SGMS2: variants seen among roughly 807,000 people sequenced by gnomAD.
SGMS2 encodes the protein phosphatidylcholine:ceramide cholinephosphotransferase 2.
In SGMS2, 21 loss-of-function variants were observed where a neutral mutation model predicts 43.8. The ratio of observed to expected loss-of-function variants is 0.48; its 90% CI spans 0.34 to 0.69. The LOEUF (loss-of-function observed/expected upper bound fraction) is 0.69. Among genes scored for constraint, SGMS2 ranks in the 30% least tolerant of loss-of-function variants. SGMS2 has a pLI of 0.01. For missense variants in SGMS2, 384 were observed against 443.2 expected (o/e 0.87, Z 1.20); for synonymous variants, 167 against 160.6 (o/e 1.04, Z -0.30).
Position 107,914,584 on chromosome 4 carries a change from G to T in SGMS2, c.*4031G>T, listed in dbSNP as rs1732337370. On this transcript the variant is annotated 3_prime_UTR_variant, in exon 7 of 7. Transcript: ENST00000690982. ...GCCTTGTTGTAAAGTAAAATTTTAA[G>T]TCTAGATTCATTATTTTCCTGACAT... The T allele has an allele frequency of 2.0e-5, 3 of 151,996 alleles. No homozygotes were observed. In the South Asian group the frequency reaches 6.2e-4, roughly 32 times the overall value. 9.4% of individuals were successfully genotyped at this position (151,996 alleles called of 1,614,324 possible).
chr4:107,890,052 C>T (rs1241985134), intron 2 of SGMS2, among the ~76,000 whole-genome samples: 2 of 152,112 alleles, frequency 1.3e-5, no homozygotes, highest in African/African-American at 2.4e-5. Flanking sequence ...AAAACAAAGA[C>T]ATTTTTAAGT....
chr4:107,838,436 T>C (rs1385660814), intron 1 of SGMS2, among the ~76,000 whole-genome samples: 1 of 152,114 alleles, frequency 6.6e-6, no homozygotes, highest in East Asian at 1.9e-4. Context: ...CTTCTTCTTC[T>C]TCTTCTTCTT....
intron 2 of SGMS2, among the ~76,000 whole-genome samples, chr4:107,883,682 C>T (rs1729532660): frequency 6.6e-6 from 1 of 152,142 alleles, no homozygotes; most frequent in South Asian, 2.1e-4. Flanking sequence ...TAGCTAACCC[C>T]ATGTTCTTAG....
At chr4:107,886,388 TTTTTTTG>T (rs1729755589) in intron 2 of SGMS2, among the ~76,000 whole-genome samples, 1 of 117,282 alleles carries the variant, frequency 8.5e-6, no homozygotes, top group African/African-American at 3.4e-5. Context: ...TTTTTTTTTT[TTTTTTTG>T]GTAAACGCAG....
intron 2 of SGMS2, among the ~76,000 whole-genome samples, chr4:107,863,064 T>C (rs1466545143): frequency 6.6e-6 from 1 of 152,150 alleles, no homozygotes; most frequent in East Asian, 1.9e-4. Context: ...TCCTACATGG[T>C]AACTGTGAGG....
intron 1 of SGMS2, among the ~76,000 whole-genome samples, chr4:107,829,223 G>A (rs997167559): frequency 2.0e-5 from 3 of 152,130 alleles, no homozygotes; most frequent in Admixed American, 1.3e-4. Flanking sequence ...ATGAAAGTGC[G>A]AGAAATTTCT....
Position 107,871,545 on chromosome 4 carries a change from A to G in SGMS2, c.-245+12992A>G, listed in dbSNP as rs982151812. Among the ~76,000 whole-genome samples, 4 of 152,200 alleles carry G rather than the reference A, an allele frequency of 2.6e-5. No individual in the cohort carries two copies. In the East Asian group the frequency reaches 7.8e-4, roughly 30 times the overall value. On this transcript the variant is annotated intron_variant, in intron 2 of 6. Coordinates refer to ENST00000690982, the MANE Select transcript of SGMS2 (RefSeq NM_001375905.1). ...TTTCTCTTCTGCCGCCTTCCTTAGC[A>G]CTTAGGACCCAATTCTGCACAGAAC...
chr4:107,889,253 G>A (rs989165766), intron 2 of SGMS2, among the ~76,000 whole-genome samples: 1 of 152,142 alleles, frequency 6.6e-6, no homozygotes, highest in African/African-American at 2.4e-5. Flanking sequence ...GGTTACACAA[G>A]GAAAGTTCAT....
chr4:107,836,655 C>G (rs753489335), intron 1 of SGMS2, among the ~76,000 whole-genome samples: 1 of 152,230 alleles, frequency 6.6e-6, no homozygotes, highest in Non-Finnish European at 1.5e-5. Flanking sequence ...CATCTTTACC[C>G]TATCCTTTCC....
chr4:107,832,484 T>C (rs184104530), intron 1 of SGMS2, among the ~76,000 whole-genome samples: 1 of 152,344 alleles, frequency 6.6e-6, no homozygotes, highest in Admixed American at 6.5e-5. Context: ...TTAAGTCACG[T>C]ACTTAAGGCC....
At chr4:107,867,827 G>A (rs964014012) in intron 2 of SGMS2, 6 of 152,010 alleles carry the variant, frequency 3.9e-5, no homozygotes, top group Admixed American at 3.3e-4. Flanking sequence ...AACACTTCGC[G>A]AATTTGTGTA....
At position 107,895,452 on chromosome 4, in the gene SGMS2, G is replaced by A; in HGVS notation, c.-102G>A. ...TATTAGGAAACAAAGTCCATTGTAA[G>A]AGTCCATGTTGATCTTGGAAATAGA... On this transcript the variant is annotated 5_prime_UTR_variant, in exon 3 of 7. Coordinates refer to ENST00000690982, the MANE Select transcript of SGMS2 (RefSeq NM_001375905.1). 1 of 1,166,720 alleles carries A rather than the reference G, an allele frequency of 8.6e-7. No individual in the cohort carries two copies. Among genetic ancestry groups the A allele is most frequent in the Non-Finnish European group, 1.2e-6 (1 of 816,958 alleles). The allele number at this position is 1,166,720 out of a possible 1,614,324, so 72.3% of individuals were successfully genotyped here. A position where few individuals can be genotyped will look rare whatever the true frequency, so the allele number is the denominator to read the frequency against.
intron 2 of SGMS2, chr4:107,867,941 T>C (rs1728252477): frequency 6.6e-6 from 1 of 152,194 alleles, no homozygotes; most frequent in Non-Finnish European, 1.5e-5. Flanking sequence ...ATTAATAGGA[T>C]ACATAGTCAA....
Position 107,903,260 on chromosome 4 carries a change from C to G in SGMS2, c.601C>G (p.Gln201Glu). ...CAATGGAGACTCTCAGGCAAAAGTT[C>G]AACGGATTCTACGATTGATTTCTGG... is the stretch of plus-strand genomic sequence containing the variant. ...KLNGDSQAKV[Q>E]RILRLISGGG... The change falls in exon 5 of 7, where the codon CAA becomes GAA. Residue 201 changes from glutamine (Q) to glutamate (E), a missense_variant. Physicochemically the swap from Gln to Glu is conservative, Grantham distance 29. Transcript: ENST00000690982. The G allele has an allele frequency of 6.2e-7, 1 of 1,614,026 alleles. No individual in the cohort carries two copies. The highest frequency in any genetic ancestry group is 8.5e-7 in the Non-Finnish European group (1 of 1,179,940).
intron 2 of SGMS2, among the ~76,000 whole-genome samples, chr4:107,877,131 T>C (rs556587397): frequency 1.3e-5 from 2 of 152,028 alleles, no homozygotes; most frequent in African/African-American, 4.8e-5. Flanking sequence ...AAGACCCATA[T>C]TTCTAAAAAA....
intron 2 of SGMS2, chr4:107,893,254 C>T (rs1730386923): frequency 6.6e-6 from 1 of 152,162 alleles, no homozygotes; most frequent in Non-Finnish European, 1.5e-5. Flanking sequence ...CTTATAAAGA[C>T]CATCTGTACA....
rs1251182820 is a variant in SGMS2, at chr4:107,825,109, A to T, written c.-471A>T. 4 of 152,144 alleles carry T rather than the reference A, an allele frequency of 2.6e-5. No individual in the cohort carries two copies. Among genetic ancestry groups the T allele is most frequent in the Admixed American group, 2.6e-4 (4 of 15,280 alleles). 9.4% of individuals were successfully genotyped at this position (152,144 alleles called of 1,614,324 possible). On this transcript the variant is annotated 5_prime_UTR_variant, in exon 1 of 7. Transcript: ENST00000690982. ...GCGTGGGAGGGCGAGACCCCGAGCA[A>T]ACTTTCTAGCGGCTTCGGCCCGAGG... is the stretch of plus-strand genomic sequence containing the variant.
Position 107,912,703 on chromosome 4 carries a change from A to C in SGMS2, c.*2150A>C, listed in dbSNP as rs77167505. The C allele has an allele frequency of 6.6e-6, 1 of 152,148 alleles. No individual in the cohort carries two copies. The highest frequency in any genetic ancestry group is 1.5e-5 in the Non-Finnish European group (1 of 68,028). 9.4% of individuals were successfully genotyped at this position (152,148 alleles called of 1,614,324 possible). A position where few individuals can be genotyped will look rare whatever the true frequency, so the allele number is the denominator to read the frequency against. On this transcript the variant is annotated 3_prime_UTR_variant, in exon 7 of 7. Transcript: ENST00000690982. Reference sequence around the variant, plus strand: ...GTGTTTAAACTTAATAAAATAAAAAATTGTGCACCAATTACTACAGATCCT... The same window carrying C: ...GTGTTTAAACTTAATAAAATAAAAACTTGTGCACCAATTACTACAGATCCT...
rs1732195675 is a variant in SGMS2 at position 107,912,622 on chromosome 4, C to T, written c.*2069C>T. 1 of 152,146 alleles carries T rather than the reference C, an allele frequency of 6.6e-6. No homozygotes were observed. The highest frequency in any genetic ancestry group is 2.1e-4 in the South Asian group (1 of 4,830). The allele number at this position is 152,146 out of a possible 1,614,324, so 9.4% of individuals were successfully genotyped here. A position where few individuals can be genotyped will look rare whatever the true frequency, so the allele number is the denominator to read the frequency against. ...AAATAAAACAAACTGATACACCTTA[C>T]AGCCTTATTCATCTGTGTCTGGATA... On this transcript the variant is annotated 3_prime_UTR_variant, in exon 7 of 7. Coordinates refer to ENST00000690982, the MANE Select transcript of SGMS2 (RefSeq NM_001375905.1).
Sources: gnomAD v4.1 joint callset for allele counts (sites outside exome capture counted in the v4.1 genomes callset) on GRCh38, gnomAD v4.1.1 for gene constraint, MANE v1.5 for transcripts, NCBI Gene and HGNC (gene_info 2026-07-23, HGNC 2026-07-21) for gene names.